RBMS3: variants seen among roughly 807,000 people sequenced by gnomAD.
RBMS3 encodes the protein RNA binding motif single stranded interacting protein 3.
Under a neutral mutation model 66.8 loss-of-function variants are expected in RBMS3, and 27 were observed. That is an observed-to-expected ratio of 0.40 (90% CI 0.30 to 0.56). RBMS3 has a LOEUF of 0.56. Ranked by LOEUF, RBMS3 falls within the 20% of genes least tolerant of loss-of-function variation. The pLI, the probability that RBMS3 is intolerant of heterozygous loss-of-function variation, is 0.40. For missense variants in RBMS3, 513 were observed against 549.5 expected, an observed-to-expected ratio of 0.93 and a Z score of 0.66; for synonymous variants, 188 against 183.0, an observed-to-expected ratio of 1.03 and a Z score of -0.22.
chr3:29,596,541 G>T (rs1212398183), intron 4 of RBMS3, among the ~76,000 whole-genome samples: 1 of 152,198 alleles, frequency 6.6e-6, no homozygotes, highest in African/African-American at 2.4e-5. Context: ...GGTCCTTGGA[G>T]GTAGGTATTA....
intron 14 of RBMS3, among the ~76,000 whole-genome samples, chr3:29,998,123 T>C (rs1699371347): frequency 6.6e-6 from 1 of 152,092 alleles, no homozygotes; most frequent in African/African-American, 2.4e-5. Context: ...TATACACCAA[T>C]AACAGACAAA....
intron 13 of RBMS3, 50 bp downstream of exon 13, chr3:29,988,273 C>T (rs373401354): frequency 2.7e-6 from 4 of 1,465,800 alleles, no homozygotes; most frequent in Non-Finnish European, 3.8e-6. Flanking sequence ...AAATCTCAGT[C>T]ACATATACTG....
intron 6 of RBMS3, among the ~76,000 whole-genome samples, chr3:29,825,192 C>T (rs1298446455): frequency 2.0e-5 from 3 of 151,916 alleles, no homozygotes; most frequent in Non-Finnish European, 4.4e-5. Flanking sequence ...CCCACCACCA[C>T]ACCTGGCTAA....
Position 29,315,342 on chromosome 3 carries a change from G to T in RBMS3, c.75+33586G>T, listed in dbSNP as rs191452221. ...AAAATGTAAGATTCGTATTGCAAAA[G>T]TTCAACCACTTTTAACAGTTTGGTA... On this transcript the variant is annotated intron_variant, in intron 1 of 14. Transcript: ENST00000383767. Among the ~76,000 whole-genome samples, 7 of 151,448 alleles carry T rather than the reference G, an allele frequency of 4.6e-5. No individual in the cohort carries two copies. The Admixed American group carries it at 4.6e-4, about 10-fold the overall frequency.
chr3:29,342,997 G>A (rs1480107458), intron 1 of RBMS3, among the ~76,000 whole-genome samples: 1 of 152,104 alleles, frequency 6.6e-6, no homozygotes, highest in Non-Finnish European at 1.5e-5. Context: ...AGGGCTATTA[G>A]GAAAGAATTT....
At chr3:29,677,326 G>T (rs1236314876) in intron 4 of RBMS3, among the ~76,000 whole-genome samples, 1 of 152,064 alleles carries the variant, frequency 6.6e-6, no homozygotes, top group Non-Finnish European at 1.5e-5. Flanking sequence ...GAGTAATCCT[G>T]AATTACTATC....
chr3:29,360,786 C>G (rs928218947), intron 1 of RBMS3, among the ~76,000 whole-genome samples: 2 of 152,036 alleles, frequency 1.3e-5, no homozygotes, highest in African/African-American at 4.8e-5. Context: ...GAATTGATCC[C>G]TTTACCATTA....
chr3:29,371,404 G>C (rs2125602640), intron 1 of RBMS3, among the ~76,000 whole-genome samples: 1 of 152,300 alleles, frequency 6.6e-6, no homozygotes, highest in Admixed American at 6.5e-5. Flanking sequence ...GTCCAGACAA[G>C]TTTATGAACC....
At chr3:29,548,369 A>G (rs1576192412) in intron 3 of RBMS3, among the ~76,000 whole-genome samples, 5 of 151,556 alleles carry the variant, frequency 3.3e-5, no homozygotes, top group Admixed American at 3.3e-4. Context: ...TTTCAAAGTT[A>G]CGATGATCTA....
At chr3:29,565,666 T>C (rs1396667948) in intron 3 of RBMS3, among the ~76,000 whole-genome samples, 1 of 152,154 alleles carries the variant, frequency 6.6e-6, no homozygotes, top group Non-Finnish European at 1.5e-5. Context: ...AGCATAAATC[T>C]CTAGTTCCTC....
Position 29,999,497 on chromosome 3 carries a change from A to G in RBMS3, c.1308-4359A>G, listed in dbSNP as rs530003466. Among the ~76,000 whole-genome samples, 3 of 152,326 alleles carry G rather than the reference A, an allele frequency of 2.0e-5. No individual in the cohort carries two copies. The East Asian group carries it at 5.8e-4, about 29-fold the overall frequency. On this transcript the variant is annotated intron_variant, in intron 14 of 14. Coordinates refer to ENST00000383767, the MANE Select transcript of RBMS3 (RefSeq NM_001003793.3). ...ATAGCGGCACTATTCACAATAGCAA[A>G]GACTTGGAACCAACCTAAATGTCCA...
intron 6 of RBMS3, among the ~76,000 whole-genome samples, chr3:29,806,220 A>G (rs1222689938): frequency 6.6e-6 from 1 of 152,022 alleles, no homozygotes; most frequent in Admixed American, 6.6e-5. Flanking sequence ...AAGTAAAAAT[A>G]GTTTAAAAGA....
At chr3:29,630,805 A>T (rs2049256492) in intron 4 of RBMS3, among the ~76,000 whole-genome samples, 1 of 151,998 alleles carries the variant, frequency 6.6e-6, no homozygotes, top group Non-Finnish European at 1.5e-5. Flanking sequence ...CTTTTTAGAA[A>T]ATGTTTAAGT....
intron 1 of RBMS3, among the ~76,000 whole-genome samples, chr3:29,352,160 TCCC>T (rs2036956118): frequency 6.6e-6 from 1 of 152,098 alleles, no homozygotes; most frequent in Non-Finnish European, 1.5e-5. Context: ...AAGACTATTC[TCCC>T]TTCTTGATTC....
chr3:29,767,965 T>C (rs1230171663), intron 6 of RBMS3, among the ~76,000 whole-genome samples: 1 of 151,936 alleles, frequency 6.6e-6, no homozygotes, highest in Non-Finnish European at 1.5e-5. Context: ...TGGTATATAG[T>C]TGGGCAAAAA....
At chr3:29,583,978 C>G (rs1364515052) in intron 3 of RBMS3, among the ~76,000 whole-genome samples, 1 of 152,020 alleles carries the variant, frequency 6.6e-6, no homozygotes, top group Non-Finnish European at 1.5e-5. Flanking sequence ...GACCTTAGAT[C>G]CCCTGCTAGC....
chr3:29,632,346 TA>T (rs1346228066), intron 4 of RBMS3, among the ~76,000 whole-genome samples: 2 of 151,878 alleles, frequency 1.3e-5, no homozygotes, highest in Admixed American at 6.6e-5. Flanking sequence ...TTAACAGTCC[TA>T]GGGGGAGAAG....
At chr3:29,445,486 A>T (rs1381858154) in intron 2 of RBMS3, among the ~76,000 whole-genome samples, 1 of 151,978 alleles carries the variant, frequency 6.6e-6, no homozygotes, top group Non-Finnish European at 1.5e-5. Flanking sequence ...TGTTCCACCA[A>T]ATCTGCTAAT....
At chr3:29,333,751 A>G (rs2035797377) in intron 1 of RBMS3, among the ~76,000 whole-genome samples, 2 of 152,192 alleles carry the variant, frequency 1.3e-5, no homozygotes, top group South Asian at 2.1e-4. Context: ...AGCATCTTTA[A>G]CAAGTAAGAA....
Sources: gnomAD v4.1 joint callset for allele counts (sites outside exome capture counted in the v4.1 genomes callset) on GRCh38, gnomAD v4.1.1 for gene constraint, MANE v1.5 for transcripts, NCBI Gene and HGNC (gene_info 2026-07-23, HGNC 2026-07-21) for gene names.